PLCB3: variants seen among roughly 807,000 people sequenced by gnomAD.
The protein encoded by PLCB3 is 1-phosphatidylinositol 4,5-bisphosphate phosphodiesterase beta-3.
Under a neutral mutation model 152.1 loss-of-function variants are expected in PLCB3, and 54 were observed. That is an observed-to-expected ratio of 0.36 (90% CI 0.29 to 0.45). The LOEUF (loss-of-function observed/expected upper bound fraction) is 0.45, where lower values mean the gene tolerates loss of function less well. Among genes scored for constraint, PLCB3 ranks in the 20% least tolerant of loss-of-function variants. PLCB3 has a pLI of 1.00. For missense variants in PLCB3, 1,248 were observed against 1,687.5 expected (o/e 0.74, Z 4.56); for synonymous variants, 717 against 698.7 (o/e 1.03, Z -0.41).
chr11:64,258,396 C>T lies in PLCB3; in HGVS notation c.1013-77C>T, dbSNP rs2031652384. On this transcript the variant is annotated intron_variant, in intron 10 of 30. Transcript: ENST00000279230. The surrounding 1 kb of genome is among the most constrained non-coding windows in gnomAD (Gnocchi z 7.2). ...AGAGCCCTCTGCAAATCCAGCATGT[C>T]CTGGTTCCAGGTGGGGCCGGGGTGG... 6 of 1,528,534 alleles carry T rather than the reference C, an allele frequency of 3.9e-6. 1 individual carries two copies. In the South Asian group the frequency reaches 7.2e-5, roughly 18 times the overall value. 94.7% of individuals were successfully genotyped at this position (1,528,534 alleles called of 1,614,324 possible). A position where few individuals can be genotyped will look rare whatever the true frequency, so the allele number is the denominator to read the frequency against.
chr11:64,267,647 A>G lies in PLCB3; in HGVS notation c.*91A>G. 1 of 919,142 alleles carries G rather than the reference A, an allele frequency of 1.1e-6. No homozygotes were observed. Among genetic ancestry groups the G allele is most frequent in the East Asian group, 2.7e-5 (1 of 36,534 alleles). 56.9% of individuals were successfully genotyped at this position (919,142 alleles called of 1,614,324 possible). A position where few individuals can be genotyped will look rare whatever the true frequency, so the allele number is the denominator to read the frequency against. ...CTAATGCTTTTTTTTTTTTTTTTTA[A>G]CTTTTTATCTAGAAATTTTATTTTT... On this transcript the variant is annotated 3_prime_UTR_variant, in exon 31 of 31. Transcript: ENST00000279230. This position sits in a 1 kb window ranked among gnomAD's most constrained non-coding sequence, Gnocchi z 5.2.
intron 13 of PLCB3, among the ~76,000 whole-genome samples, chr11:64,259,587 G>T (rs1021474786): frequency 6.6e-6 from 1 of 151,846 alleles, no homozygotes; most frequent in Non-Finnish European, 1.5e-5. Context: ...CCCTAAGCCC[G>T]CATTGAGTTC....
intron 23 of PLCB3, 39 bp downstream of exon 23, chr11:64,265,143 G>C (rs1253162792): frequency 6.4e-7 from 1 of 1,557,070 alleles, no homozygotes; most frequent in East Asian, 2.4e-5. Flanking sequence ...CTGCAGGGAG[G>C]CACCCCCCAC....
rs2031900028 is a variant in PLCB3 at position 64,262,444 on chromosome 11, C to T, written c.2076C>T (p.Tyr692=). ...AMQLNAGVFE[Y]NGRSGYLLKP... ...AGCTCAACGCGGGCGTTTTTGAGTA[C>T]AACGGGCGCAGCGGGTACCTGCTCA... is the stretch of plus-strand genomic sequence containing the variant. Residue 692 remains tyrosine (Y), a synonymous_variant, in exon 18 of 31, where the codon TAC becomes TAT. Coordinates refer to ENST00000279230, the MANE Select transcript of PLCB3 (RefSeq NM_000932.5). The T allele has an allele frequency of 1.2e-6, 2 of 1,613,830 alleles. No homozygotes were observed. Among genetic ancestry groups the T allele is most frequent in the East Asian group, 2.2e-5 (1 of 44,880 alleles).
chr11:64,255,091 C>A lies in PLCB3; in HGVS notation c.387+53C>A. 1 of 1,570,360 alleles carries A rather than the reference C, an allele frequency of 6.4e-7. No homozygotes were observed. The highest frequency in any genetic ancestry group is 8.7e-7 in the Non-Finnish European group (1 of 1,148,794). ...GGAGTCACTGTCTTATTCTGTGAGT[C>A]GGCCGTCACTTACCGAACACCTGCT... On this transcript the variant is annotated intron_variant, in intron 4 of 30. Transcript: ENST00000279230. The surrounding 1 kb of genome is among the most constrained non-coding windows in gnomAD (Gnocchi z 6.8).
intron 8 of PLCB3, 95 bp from the exon 9 acceptor site, chr11:64,256,281 C>A: frequency 1.7e-6 from 2 of 1,156,080 alleles, no homozygotes; most frequent in Non-Finnish European, 2.5e-6. Context: ...GATCCAGGGG[C>A]AGGCCTTCTG....
intron 17 of PLCB3, 30 bp downstream of exon 17, chr11:64,262,106 C>T (rs747430819): frequency 2.4e-5 from 39 of 1,613,428 alleles, no homozygotes; most frequent in South Asian, 2.4e-4. Flanking sequence ...ATCTTGACCC[C>T]GACCCTCAGT....
rs1276299691 is a variant in PLCB3 at position 64,263,611 on chromosome 11, G to A, written c.2455+14G>A. ...CCATCCGCTCCGGTGAGGCCTTGGT[G>A]GGCTCTGGGCAGCACAGCGGGCAGT... On this transcript the variant is annotated intron_variant, in intron 20 of 30. Coordinates refer to ENST00000279230, the MANE Select transcript of PLCB3 (RefSeq NM_000932.5). 6.2e-7 allele frequency: 1 copy of A among 1,608,314 alleles called. No homozygotes were observed. Among genetic ancestry groups the A allele is most frequent in the Non-Finnish European group, 8.5e-7 (1 of 1,175,846 alleles).
In PLCB3 at chr11:64,262,644, C is replaced by T. The variant is rs1370528242; in HGVS notation, c.2194-3C>T. 1.2e-6 allele frequency: 2 copies of T among 1,613,788 alleles called. No homozygotes were observed. Among genetic ancestry groups the T allele is most frequent in the African/African-American group, 2.7e-5 (2 of 74,928 alleles). ...CGCCTCACCCTCCTTGGCCCACCCCCAGGTGATCTCAGGGCAGTTCCTGTC... is the reference window on the plus strand; with the variant it reads ...CGCCTCACCCTCCTTGGCCCACCCCTAGGTGATCTCAGGGCAGTTCCTGTC... On this transcript the variant is annotated splice_region_variant and splice_polypyrimidine_tract_variant and intron_variant, in intron 18 of 30. Coordinates refer to ENST00000279230, the MANE Select transcript of PLCB3 (RefSeq NM_000932.5).
chr11:64,255,934 CA>C lies in PLCB3; in HGVS notation c.698+114del, dbSNP rs2031507639. On this transcript the variant is annotated intron_variant, in intron 8 of 30. Transcript: ENST00000279230. This position sits in a 1 kb window ranked among gnomAD's most constrained non-coding sequence, Gnocchi z 6.8. ...ACTGGTGGGCCGGGTCCTGGAGCGC[CA>C]GGGGGCGGAGGGGTGCCCAGGGAGA... is the stretch of plus-strand genomic sequence containing the variant. 1.2e-6 allele frequency: 1 copy of C among 837,622 alleles called. No homozygotes were observed. Among genetic ancestry groups the C allele is most frequent in the African/African-American group, 1.7e-5 (1 of 60,290 alleles). 51.9% of individuals were successfully genotyped at this position (837,622 alleles called of 1,614,324 possible). A position where few individuals can be genotyped will look rare whatever the true frequency, so the allele number is the denominator to read the frequency against.
intron 10 of PLCB3, 63 bp downstream of exon 10, chr11:64,256,827 C>T: frequency 1.3e-6 from 2 of 1,519,646 alleles, no homozygotes; most frequent in Non-Finnish European, 1.8e-6. Flanking sequence ...CAGCCCCACT[C>T]CTCCTGGGGC....
Position 64,265,917 on chromosome 11 carries a change from G to A in PLCB3, c.3067G>A (p.Glu1023Lys). The A allele has an allele frequency of 6.2e-7, 1 of 1,613,432 alleles. No homozygotes were observed. The highest frequency in any genetic ancestry group is 8.5e-7 in the Non-Finnish European group (1 of 1,180,004). The stretch of plus-strand genomic sequence containing the variant: ...GGCCGCTGATGTGGAGGACACGAAG[G>A]AGGGGGAGGACGAGGCAAAGCGGTA... ...GGAADVEDTK[E>K]GEDEAKRYQE... Residue 1023 changes from glutamate to lysine, a missense_variant, in exon 26 of 31, where the codon GAG becomes AAG. Glu to Lys is a moderately conservative substitution (Grantham distance 56). Around this residue, in one of 6 missense-constraint regions of PLCB3, gnomAD observed 477 missense variants for 489.6 expected, o/e 0.97. Coordinates refer to ENST00000279230, the MANE Select transcript of PLCB3 (RefSeq NM_000932.5).
At position 64,267,078 on chromosome 11, in the gene PLCB3, G is replaced by C; in HGVS notation, c.3415-107G>C. On this transcript the variant is annotated intron_variant, in intron 29 of 30. Coordinates refer to ENST00000279230, the MANE Select transcript of PLCB3 (RefSeq NM_000932.5). This position sits in a 1 kb window ranked among gnomAD's most constrained non-coding sequence, Gnocchi z 5.2. ...CAAAGTGCTGGGATTATAGATGTGA[G>C]CCACTGCACCCGGCCTCGCCCACCT... The C allele has an allele frequency of 2.2e-6, 2 of 925,438 alleles. No individual in the cohort carries two copies. The highest frequency in any genetic ancestry group is 2.6e-5 in the East Asian group (1 of 37,818). The allele number at this position is 925,438 out of a possible 1,614,324, so 57.3% of individuals were successfully genotyped here.
In PLCB3 at chr11:64,267,629, T is replaced by A; in HGVS notation, c.*73T>A. On this transcript the variant is annotated 3_prime_UTR_variant, in exon 31 of 31. Transcript: ENST00000279230. This position sits in a 1 kb window ranked among gnomAD's most constrained non-coding sequence, Gnocchi z 5.2. ...GGGCAGGAGGCAATGACACTAATGC[T>A]TTTTTTTTTTTTTTTTAACTTTTTA... The A allele has an allele frequency of 1.4e-5, 2 of 144,004 alleles. No individual in the cohort carries two copies. Among genetic ancestry groups the A allele is most frequent in the Non-Finnish European group, 1.4e-5 (1 of 73,748 alleles). The allele number at this position is 144,004 out of a possible 1,614,324, so 8.9% of individuals were successfully genotyped here.
chr11:64,254,666 C>T (rs1011875613), intron 2 of PLCB3, 82 bp from the exon 3 acceptor site: 2 of 1,506,328 alleles, frequency 1.3e-6, no homozygotes, highest in Non-Finnish European at 1.8e-6. Context: ...TGGCCATTCC[C>T]TGGCCTGGGT....
rs748593271 is a variant in PLCB3 at position 64,260,076 on chromosome 11, G to A, written c.1573G>A (p.Val525Ile). 5 of 1,612,158 alleles carry A rather than the reference G, an allele frequency of 3.1e-6. No individual in the cohort carries two copies. The African/African-American group carries it at 5.3e-5, about 17-fold the overall frequency. Residue 525 changes from valine (V) to isoleucine (I), a missense_variant, in exon 14 of 31, where the codon GTA (valine) becomes ATA (isoleucine). Physicochemically the swap from Val to Ile is conservative, Grantham distance 29 (BLOSUM62 3). This residue lies in a region of PLCB3 where 105 missense variants were observed against 100.9 expected (regional missense o/e 1.04). Coordinates refer to ENST00000279230, the MANE Select transcript of PLCB3 (RefSeq NM_000932.5). ...CCCAGGCCTGAGCAATGGGGAGGAG[G>A]TAGGGCTTGAGAAGCCCAGCCTGGA... Reference protein sequence around the residue: ...SCPGLSNGEEVGLEKPSLEPQ... With the variant: ...SCPGLSNGEEIGLEKPSLEPQ...
At position 64,254,728 on chromosome 11, in the gene PLCB3, T is replaced by G; in HGVS notation, c.178-20T>G. On this transcript the variant is annotated intron_variant, in intron 2 of 30. Coordinates refer to ENST00000279230, the MANE Select transcript of PLCB3 (RefSeq NM_000932.5). ...GCCCTGCAGCCTCTCATACTCAGCC[T>G]GGCATCTGGTTCCCCCCAGGAGGTG... The G allele has an allele frequency of 6.2e-7, 1 of 1,611,356 alleles. No individual in the cohort carries two copies. Among genetic ancestry groups the G allele is most frequent in the Non-Finnish European group, 8.5e-7 (1 of 1,179,158 alleles).
chr11:64,258,068 C>T lies in PLCB3; in HGVS notation c.1013-405C>T, dbSNP rs979323631. 4.6e-5 allele frequency among the ~76,000 whole-genome samples: 7 copies of T among 151,350 alleles called. No individual in the cohort carries two copies. Among genetic ancestry groups the T allele is most frequent in the African/African-American group, 4.9e-5 (2 of 41,160 alleles). On this transcript the variant is annotated intron_variant, in intron 10 of 30. Transcript: ENST00000279230. This position sits in a 1 kb window ranked among gnomAD's most constrained non-coding sequence, Gnocchi z 7.2. The stretch of plus-strand genomic sequence containing the variant: ...ACTCGGGAGGCTGAGGCAGGAGAAT[C>T]GCTTGAACCAGGGAGGCGGAGGTTG...
intron 13 of PLCB3, 125 bp downstream of exon 13, chr11:64,259,369 CA>C: frequency 1.2e-6 from 1 of 825,812 alleles, no homozygotes; most frequent in Admixed American, 3.0e-5. Flanking sequence ...CCTGTTCCCA[CA>C]ACCGGCCTGT....
Sources: gnomAD v4.1 joint callset for allele counts (sites outside exome capture counted in the v4.1 genomes callset) on GRCh38, gnomAD v4.1.1 for gene constraint, gnomAD v4.1.1 regional missense constraint, Gnocchi (gnomAD v3.1) non-coding constraint, MANE v1.5 for transcripts, NCBI Gene and HGNC (gene_info 2026-07-23, HGNC 2026-07-21) for gene names.